STK3: variants seen among roughly 807,000 people sequenced by gnomAD.
The protein encoded by STK3 is serine/threonine-protein kinase 3.
STK3 carries 41 observed loss-of-function variants against 58.0 expected under a neutral mutation model. The observed-to-expected ratio is 0.71, with a 90% CI of 0.55 to 0.92. STK3 has a LOEUF of 0.92. Ranked by LOEUF, STK3 falls within the 40% of genes least tolerant of loss-of-function variation. The pLI is 0.00. For missense variants in STK3, 479 were observed against 602.7 expected (o/e 0.79, Z 2.15); for synonymous variants, 170 against 191.0 (o/e 0.89, Z 0.91).
intron 1 of STK3, chr8:98,905,274 G>T (rs1838847191): frequency 1.2e-6 from 1 of 826,808 alleles, no homozygotes; most frequent in South Asian, 1.4e-5. Flanking sequence ...TGTTGTCAAG[G>T]CCCCTGACGG....
intron 6 of STK3, among the ~76,000 whole-genome samples, chr8:98,688,238 C>T (rs1002084635): frequency 6.6e-6 from 1 of 152,118 alleles, no homozygotes; most frequent in African/African-American, 2.4e-5. Context: ...TAAATATATA[C>T]ACACTCAACA....
At chr8:98,699,905 G>C (rs1825393977) in intron 6 of STK3, among the ~76,000 whole-genome samples, 1 of 152,198 alleles carries the variant, frequency 6.6e-6, no homozygotes, top group African/African-American at 2.4e-5. Flanking sequence ...CTGTCAGACA[G>C]GGACATTTAA....
At chr8:98,842,824 A>G (rs1227413260) in intron 3 of STK3, among the ~76,000 whole-genome samples, 2 of 152,078 alleles carry the variant, frequency 1.3e-5, no homozygotes, top group South Asian at 2.1e-4. Flanking sequence ...AACATGGTGA[A>G]ACCTCCCTGT....
chr8:98,841,108 C>A (rs1361956269), intron 3 of STK3, among the ~76,000 whole-genome samples: 1 of 152,198 alleles, frequency 6.6e-6, no homozygotes, highest in Non-Finnish European at 1.5e-5. Context: ...GGAGAGAAGA[C>A]AAGAGAGCAA....
intron 3 of STK3, among the ~76,000 whole-genome samples, chr8:98,433,399 G>T (rs1204884397): frequency 6.6e-6 from 1 of 152,040 alleles, no homozygotes; most frequent in Non-Finnish European, 1.5e-5. Flanking sequence ...ACTGCTGGGG[G>T]ATACATAGAG....
At chr8:98,402,742 C>T (rs761942267) in intron 3 of STK3, among the ~76,000 whole-genome samples, 9 of 152,206 alleles carry the variant, frequency 5.9e-5, no homozygotes, top group Middle Eastern at 3.2e-3. Flanking sequence ...TGTGCTTGTT[C>T]CCTCAGCCCT....
At chr8:98,491,323 CTCT>C (rs1411686659) in intron 10 of STK3, among the ~76,000 whole-genome samples, 2 of 152,026 alleles carry the variant, frequency 1.3e-5, no homozygotes, top group African/African-American at 4.8e-5. Flanking sequence ...AATATCTGTT[CTCT>C]TGTCTATATA....
At chr8:98,556,683 T>G (rs1811613545) in intron 8 of STK3, among the ~76,000 whole-genome samples, 1 of 151,962 alleles carries the variant, frequency 6.6e-6, no homozygotes, top group South Asian at 2.1e-4. Flanking sequence ...ATAGGAACCT[T>G]GGGAACTAAA....
At chr8:98,866,533 A>T (rs1837152699) in intron 3 of STK3, among the ~76,000 whole-genome samples, 1 of 152,208 alleles carries the variant, frequency 6.6e-6, no homozygotes. Context: ...GTGGTGAGGC[A>T]TTGCAGTAGG....
At chr8:98,744,331 C>T (rs989120491) in intron 4 of STK3, among the ~76,000 whole-genome samples, 2 of 152,048 alleles carry the variant, frequency 1.3e-5, no homozygotes, top group Admixed American at 1.3e-4. Flanking sequence ...GGAACCAACC[C>T]AAATGTCCAA....
At chr8:98,642,791 A>AGACAGGCAGATGGATG (rs1239583793) in intron 6 of STK3, among the ~76,000 whole-genome samples, 1 of 152,226 alleles carries the variant, frequency 6.6e-6, no homozygotes, top group Non-Finnish European at 1.5e-5. Flanking sequence ...CTGCTAACCC[A>AGACAGGCAGATGGATG]GACAGGCAGA....
chr8:98,911,641 G>A (rs914024755), intron 1 of STK3, among the ~76,000 whole-genome samples: 18 of 152,180 alleles, frequency 1.2e-4, no homozygotes, highest in Middle Eastern at 3.4e-3. Context: ...TGATCTGCCC[G>A]CCTCGGCCTC....
chr8:98,785,622 C>T (rs34934033), intron 1 of STK3, among the ~76,000 whole-genome samples: 44 of 152,174 alleles, frequency 2.9e-4, no homozygotes, highest in Non-Finnish European at 5.4e-4. Flanking sequence ...CTGCCTGAGG[C>T]AACGGAGAGC....
chr8:98,410,773 C>T lies in STK3; in HGVS notation n.484-9260G>A, dbSNP rs200398003. Among the ~76,000 whole-genome samples the T allele has an allele frequency of 5.9e-5, 9 of 152,234 alleles. No homozygotes were observed. In the East Asian group the frequency reaches 1.2e-3, roughly 20 times the overall value. On this transcript the variant is annotated intron_variant and non_coding_transcript_variant, in intron 3 of 3. Coordinates refer to the STK3 transcript ENST00000517832. ...CCCTCCACAAACACACAGACATTTGCGTGTCTACAAAAACAAAATCTTTCA... is the reference window on the plus strand; with the variant it reads ...CCCTCCACAAACACACAGACATTTGTGTGTCTACAAAAACAAAATCTTTCA...
intron 3 of STK3, among the ~76,000 whole-genome samples, chr8:98,862,345 T>G (rs1836966873): frequency 1.3e-5 from 2 of 152,182 alleles, no homozygotes. Context: ...ATTGCCAAGA[T>G]TTTGATAACA....
intron 1 of STK3, among the ~76,000 whole-genome samples, chr8:98,821,801 G>A (rs1016998038): frequency 3.9e-4 from 60 of 152,260 alleles, no homozygotes; most frequent in African/African-American, 1.4e-3. Context: ...TATTGCCTAT[G>A]TTTAACACAA....
At chr8:98,573,319 G>C (rs1158486187) in intron 8 of STK3, among the ~76,000 whole-genome samples, 2 of 152,162 alleles carry the variant, frequency 1.3e-5, no homozygotes, top group Non-Finnish European at 2.9e-5. Context: ...GTTCCACATG[G>C]CTGGGGAGGC....
chr8:98,409,201 G>A (rs1353156342), intron 3 of STK3, among the ~76,000 whole-genome samples: 4 of 152,164 alleles, frequency 2.6e-5, no homozygotes, highest in African/African-American at 9.7e-5. Flanking sequence ...GCCATGTCTT[G>A]GAGCATCTAA....
intron 10 of STK3, among the ~76,000 whole-genome samples, chr8:98,485,653 A>G (rs1415574609): frequency 6.6e-6 from 1 of 152,238 alleles, no homozygotes; most frequent in Non-Finnish European, 1.5e-5. Context: ...AGAAAGGCAC[A>G]AGGAAATAGT....
Sources: gnomAD v4.1 joint callset for allele counts (sites outside exome capture counted in the v4.1 genomes callset) on GRCh38, gnomAD v4.1.1 for gene constraint, MANE v1.5 for transcripts, NCBI Gene and HGNC (gene_info 2026-07-23, HGNC 2026-07-21) for gene names.